Variants in UEVLD observed in about 807,000 individuals in gnomAD.
UEVLD encodes UEV and lactate/malate dehyrogenase domains, also known as ubiquitin-conjugating enzyme E2 variant 3.
UEVLD carries 47 observed loss-of-function variants against 58.6 expected under a neutral mutation model. That is an observed-to-expected ratio of 0.80 (90% CI 0.63 to 1.02). The LOEUF is 1.02. Among genes scored for constraint, UEVLD ranks in the 50% least tolerant of loss-of-function variants. The probability of loss-of-function intolerance (pLI) is 0.00; values close to 1 mark genes in which losing one functional copy is unlikely to be tolerated. For missense variants in UEVLD, 510 were observed against 550.6 expected, an observed-to-expected ratio of 0.93 and a Z score of 0.74; for synonymous variants, 197 against 195.3, an observed-to-expected ratio of 1.01 and a Z score of -0.07.
In UEVLD at chr11:18,533,042, TTTTTC is replaced by T. The variant is rs138967512; in HGVS notation, c.1249-560_1249-556del. Among the ~76,000 whole-genome samples the T allele has an allele frequency of 3.3e-3, 501 of 151,010 alleles. 3 individuals carry two copies. Among genetic ancestry groups the T allele is most frequent in the African/African-American group, 0.01 (429 of 41,326 alleles). ...ATTCCAAATGGTCTCTTCTGGCTATTTTTTCTTTTCTTTTCTTTTCTTTTTTTTTT... is the reference window on the plus strand; with the variant it reads ...ATTCCAAATGGTCTCTTCTGGCTATTTTTTCTTTTCTTTTCTTTTTTTTTT... On this transcript the variant is annotated intron_variant, in intron 11 of 11. Coordinates refer to ENST00000396197, the MANE Select transcript of UEVLD (RefSeq NM_001040697.4).
intron 1 of UEVLD, among the ~76,000 whole-genome samples, chr11:18,582,430 CAG>C (rs1372630720): frequency 1.8e-5 from 2 of 113,944 alleles, no homozygotes; most frequent in Non-Finnish European, 3.3e-5. Context: ...TTTTTGGAGA[CAG>C]GGTCTCACTA....
At chr11:18,543,425 C>G (rs1170953276) in intron 9 of UEVLD, among the ~76,000 whole-genome samples, 1 of 152,200 alleles carries the variant, frequency 6.6e-6, no homozygotes, top group Non-Finnish European at 1.5e-5. Flanking sequence ...CCATACTTAA[C>G]TTCGTGCTTT....
intron 1 of UEVLD, among the ~76,000 whole-genome samples, chr11:18,585,245 T>G (rs1193363134): frequency 6.6e-6 from 1 of 152,216 alleles, no homozygotes; most frequent in East Asian, 1.9e-4. Flanking sequence ...ACAGTTGAAT[T>G]TGTCTCTTAT....
Position 18,566,487 on chromosome 11 carries a change from A to G in UEVLD, c.358-5T>C. 6.2e-7 allele frequency: 1 copy of G among 1,611,794 alleles called. No homozygotes were observed. Among genetic ancestry groups the G allele is most frequent in the South Asian group, 1.1e-5 (1 of 90,708 alleles). On this transcript the variant is annotated splice_polypyrimidine_tract_variant and splice_region_variant and intron_variant, in intron 4 of 11. Transcript: ENST00000396197. ...TCCAACAATGACAGATTTAGGCTGT[A>G]GAATACACAAAAAACAGAAAAGTTA...
intron 7 of UEVLD, among the ~76,000 whole-genome samples, chr11:18,548,621 T>C (rs1160591008): frequency 1.3e-5 from 2 of 152,260 alleles, no homozygotes; most frequent in East Asian, 3.9e-4. Flanking sequence ...GAGACGGGGT[T>C]TCTACATGTT....
rs1382072568 is a variant in UEVLD, at chr11:18,531,173, G to T, written c.*1147C>A. The stretch of plus-strand genomic sequence containing the variant: ...TTAGTGCCTAGAAAAAGTAGAGGTT[G>T]TATGGATAAGTGCCCCTTAATAGCC... On this transcript the variant is annotated 3_prime_UTR_variant, in exon 12 of 12. Transcript: ENST00000396197. The T allele has an allele frequency of 6.6e-6, 1 of 152,158 alleles. No individual in the cohort carries two copies. The highest frequency in any genetic ancestry group is 2.4e-5 in the African/African-American group (1 of 41,426). The allele number at this position is 152,158 out of a possible 1,614,324, so 9.4% of individuals were successfully genotyped here. A position where few individuals can be genotyped will look rare whatever the true frequency, so the allele number is the denominator to read the frequency against.
chr11:18,537,325 T>TATA (rs34120372), intron 9 of UEVLD, among the ~76,000 whole-genome samples: 8,719 of 126,440 alleles, frequency 0.069, 348 homozygotes, highest in East Asian at 0.23. Context: ...TATATATATA[T>TATA]TTTTTTTTTT....
intron 3 of UEVLD, among the ~76,000 whole-genome samples, chr11:18,571,704 G>A (rs1213909791): frequency 6.6e-6 from 1 of 152,202 alleles, no homozygotes; most frequent in Non-Finnish European, 1.5e-5. Flanking sequence ...TTAGATAGGT[G>A]TGATCTTAAG....
Position 18,564,878 on chromosome 11 carries a change from C to T in UEVLD, c.612+14G>A. 6.3e-7 allele frequency: 1 copy of T among 1,577,156 alleles called. No individual in the cohort carries two copies. The highest frequency in any genetic ancestry group is 1.1e-5 in the South Asian group (1 of 89,842). On this transcript the variant is annotated intron_variant, in intron 6 of 11. Transcript: ENST00000396197. The stretch of plus-strand genomic sequence containing the variant: ...ACTATGATAGATGTATTTATAACCA[C>T]TATGTTTACATACCTTTGCTGAAAT...
At chr11:18,564,024 A>AAAAG in intron 6 of UEVLD, 1 of 323,562 alleles carries the variant, frequency 3.1e-6, no homozygotes, top group African/African-American at 2.2e-5. Flanking sequence ...AAAAAAAAAA[A>AAAAG]GAGGTGATAG....
chr11:18,559,066 G>A (rs1851885194), intron 6 of UEVLD, among the ~76,000 whole-genome samples: 1 of 151,976 alleles, frequency 6.6e-6, no homozygotes, highest in Non-Finnish European at 1.5e-5. Flanking sequence ...TAGAGACGGG[G>A]TATCACCATG....
rs1221390163 is a variant in UEVLD at position 18,530,830 on chromosome 11, A to G, written c.*1490T>C. Reference sequence around the variant, plus strand: ...AAGCTCCACCTACCGGGTTCACGCCATTCTCTTGCCTCAGCCTTCCGAGTA... The same window carrying G: ...AAGCTCCACCTACCGGGTTCACGCCGTTCTCTTGCCTCAGCCTTCCGAGTA... On this transcript the variant is annotated 3_prime_UTR_variant, in exon 12 of 12. Coordinates refer to ENST00000396197, the MANE Select transcript of UEVLD (RefSeq NM_001040697.4). 6.7e-6 allele frequency: 1 copy of G among 150,118 alleles called. No individual in the cohort carries two copies. Among genetic ancestry groups the G allele is most frequent in the East Asian group, 2.0e-4 (1 of 5,104 alleles). 9.3% of individuals were successfully genotyped at this position (150,118 alleles called of 1,614,324 possible). A position where few individuals can be genotyped will look rare whatever the true frequency, so the allele number is the denominator to read the frequency against.
intron 4 of UEVLD, 152 bp from the exon 5 acceptor site, chr11:18,566,634 G>T (rs1439404995): frequency 6.7e-6 from 5 of 749,468 alleles, no homozygotes; most frequent in Admixed American, 6.3e-5. Context: ...AACAGAATGA[G>T]ACTTCATCTC....
At chr11:18,587,103 A>C (rs561906606) in intron 1 of UEVLD, among the ~76,000 whole-genome samples, 1 of 152,310 alleles carries the variant, frequency 6.6e-6, no homozygotes, top group Admixed American at 6.5e-5. Context: ...TGGGGAAAAA[A>C]AAATCCTCTA....
intron 4 of UEVLD, 121 bp from the exon 5 acceptor site, chr11:18,566,603 C>T (rs1194921447): frequency 1.0e-6 from 1 of 964,148 alleles, no homozygotes; most frequent in Non-Finnish European, 1.5e-6. Context: ...TATGGTTGCA[C>T]CACTATACTC....
At chr11:18,558,751 C>T (rs1323726813) in intron 6 of UEVLD, among the ~76,000 whole-genome samples, 1 of 150,522 alleles carries the variant, frequency 6.6e-6, no homozygotes, top group Non-Finnish European at 1.5e-5. Context: ...TCACTGCACT[C>T]CAGCCTGGGC....
chr11:18,555,419 G>A (rs1189006480), intron 7 of UEVLD, among the ~76,000 whole-genome samples: 6 of 148,656 alleles, frequency 4.0e-5, no homozygotes, highest in Admixed American at 3.4e-4. Flanking sequence ...GTGCGAGACT[G>A]TCTTAAAAAA....
intron 9 of UEVLD, among the ~76,000 whole-genome samples, chr11:18,541,390 A>C (rs972137701): frequency 3.9e-5 from 6 of 152,224 alleles, no homozygotes; most frequent in African/African-American, 1.4e-4. Context: ...TATACACAGA[A>C]TATTTCTGGA....
At chr11:18,562,528 C>A (rs988396769) in intron 6 of UEVLD, among the ~76,000 whole-genome samples, 1 of 150,524 alleles carries the variant, frequency 6.6e-6, no homozygotes, top group African/African-American at 2.4e-5. Flanking sequence ...GGAGACACAG[C>A]GAGACTCCAT....
Sources: gnomAD v4.1 joint callset for allele counts (sites outside exome capture counted in the v4.1 genomes callset) on GRCh38, gnomAD v4.1.1 for gene constraint, MANE v1.5 for transcripts, NCBI Gene and HGNC (gene_info 2026-07-23, HGNC 2026-07-21) for gene names.